The following SRP72 variants were observed in gnomAD, a reference collection of about 807,000 sequenced individuals.
The protein encoded by SRP72 is signal recognition particle 72, also known as signal recognition particle subunit SRP72.
Under a neutral mutation model 96.3 loss-of-function variants are expected in SRP72, and 49 were observed. That is an observed-to-expected ratio of 0.51 (90% confidence interval 0.40 to 0.65). SRP72 has a LOEUF of 0.65. SRP72 is among the 30% of genes least tolerant of loss of function. The probability of loss-of-function intolerance (pLI) is 0.00; values close to 1 mark genes in which losing one functional copy is unlikely to be tolerated. For synonymous variants in SRP72, 267 were observed against 275.2 expected (o/e 0.97, Z 0.30); for missense variants, 736 against 793.3 (o/e 0.93, Z 0.87).
At position 56,484,762 on chromosome 4, in the gene SRP72, C is replaced by T. The variant is rs1351986054; in HGVS notation, c.984C>T (p.Ala328=). ...CTGAACAATGCCGCAAAATATCTGC[C>T]AGTTTACAGTCCCAAAGTCCCGAGC... ...NQAEQCRKIS[A]SLQSQSPEHL... The change falls in exon 10 of 19, where the codon GCC becomes GCT. Residue 328 remains alanine, a synonymous_variant. Transcript: ENST00000642900. 1.2e-6 allele frequency: 2 copies of T among 1,614,070 alleles called. No homozygotes were observed. Among genetic ancestry groups the T allele is most frequent in the East Asian group, 2.2e-5 (1 of 44,876 alleles).
chr4:56,488,294 A>G (rs1387673556), intron 12 of SRP72, among the ~76,000 whole-genome samples: 1 of 152,172 alleles, frequency 6.6e-6, no homozygotes, highest in Non-Finnish European at 1.5e-5. Context: ...AGCCTATATC[A>G]TTTTCGTCAG....
chr4:56,486,091 C>A, intron 10 of SRP72: 1 of 414,038 alleles, frequency 2.4e-6, no homozygotes, highest in South Asian at 5.8e-5. Context: ...ATGGATTTCT[C>A]TGTTAGTGAC....
chr4:56,487,502 G>A lies in SRP72; in HGVS notation c.1160-447G>A, dbSNP rs139126749. Among the ~76,000 whole-genome samples the A allele has an allele frequency of 7.2e-3, 1,094 of 152,100 alleles. 19 individuals are homozygous for A. Among genetic ancestry groups the A allele is most frequent in the African/African-American group, 0.025 (1,046 of 41,500 alleles). On this transcript the variant is annotated intron_variant, in intron 11 of 18. Transcript: ENST00000642900. ...TTTTTTGTTTGTTTTTAAAGACTGGGAATTTTGAGTTATTGAGGTTTGCAG... is the reference window on the plus strand; with the variant it reads ...TTTTTTGTTTGTTTTTAAAGACTGGAAATTTTGAGTTATTGAGGTTTGCAG...
At chr4:56,472,348 CTT>C (rs11332013) in intron 3 of SRP72, among the ~76,000 whole-genome samples, 1,903 of 122,992 alleles carry the variant, frequency 0.015, 24 homozygotes, top group African/African-American at 0.047. Flanking sequence ...TAAAGTTTTT[CTT>C]TTTTTTTTTT....
At chr4:56,491,638 C>T (rs755810359) in intron 16 of SRP72, 70 bp downstream of exon 16, 46 of 1,453,106 alleles carry the variant, frequency 3.2e-5, no homozygotes, top group Non-Finnish European at 3.9e-5. Context: ...AATACATTCT[C>T]ATAGAAATTT....
chr4:56,471,900 C>G, intron 3 of SRP72, 57 bp downstream of exon 3: 1 of 1,598,322 alleles, frequency 6.3e-7, no homozygotes, highest in South Asian at 1.1e-5. Flanking sequence ...ATGACTACCT[C>G]TAGCAAGGAG....
intron 12 of SRP72, 57 bp downstream of exon 12, chr4:56,488,070 A>T (rs1720781453): frequency 5.0e-6 from 6 of 1,204,376 alleles, no homozygotes; most frequent in Non-Finnish European, 7.2e-6. Flanking sequence ...TTGTATGTCT[A>T]ATGTGTATTC....
intron 17 of SRP72, among the ~76,000 whole-genome samples, chr4:56,500,229 T>G (rs1390608114): frequency 6.6e-6 from 1 of 151,692 alleles, no homozygotes; most frequent in Non-Finnish European, 1.5e-5. Flanking sequence ...GGTGGGAGGC[T>G]AGGGGAGGGA....
At position 56,503,605 on chromosome 4, in the gene SRP72, A is replaced by G. The variant is rs1351525321; in HGVS notation, c.*1744A>G. 1 of 152,206 alleles carries G rather than the reference A, an allele frequency of 6.6e-6. No individual in the cohort carries two copies. Among genetic ancestry groups the G allele is most frequent in the Admixed American group, 6.5e-5 (1 of 15,276 alleles). The allele number at this position is 152,206 out of a possible 1,614,324, so 9.4% of individuals were successfully genotyped here. A position where few individuals can be genotyped will look rare whatever the true frequency, so the allele number is the denominator to read the frequency against. On this transcript the variant is annotated 3_prime_UTR_variant, in exon 19 of 19. Coordinates refer to ENST00000642900, the MANE Select transcript of SRP72 (RefSeq NM_006947.4). ...CAAATATATGGATGTGTATGTGTAC[A>G]TTTATAAGAACCAGTATGGATACAT...
At chr4:56,479,521 T>TTC (rs1225608113) in intron 8 of SRP72, among the ~76,000 whole-genome samples, 2 of 145,136 alleles carry the variant, frequency 1.4e-5, no homozygotes, top group African/African-American at 5.0e-5. Flanking sequence ...CTTTCTTTCT[T>TTC]TTTTTTTTTT....
chr4:56,468,309 C>G (rs558136154), intron 1 of SRP72, among the ~76,000 whole-genome samples: 2 of 152,268 alleles, frequency 1.3e-5, no homozygotes, highest in Admixed American at 1.3e-4. Context: ...GAGATCTCTT[C>G]AGTGTTATTA....
intron 6 of SRP72, among the ~76,000 whole-genome samples, chr4:56,477,530 C>T (rs1008358190): frequency 6.6e-5 from 10 of 151,804 alleles, no homozygotes; most frequent in Non-Finnish European, 1.3e-4. Context: ...AGGCCTCAAG[C>T]GACCCTCCCA....
chr4:56,478,707 GT>G, intron 8 of SRP72, 58 bp downstream of exon 8: 1 of 1,544,334 alleles, frequency 6.5e-7, no homozygotes, highest in Non-Finnish European at 8.8e-7. Flanking sequence ...CATCACCCTA[GT>G]TTTAGTTTTG....
intron 13 of SRP72, 92 bp downstream of exon 13, chr4:56,489,575 C>T: frequency 8.1e-6 from 5 of 613,986 alleles, no homozygotes; most frequent in South Asian, 3.2e-5. Flanking sequence ...AAGTATTACA[C>T]GTCACTATTT....
chr4:56,489,199 G>A (rs936735167), intron 12 of SRP72, 189 bp from the exon 13 acceptor site: 3 of 414,346 alleles, frequency 7.2e-6, no homozygotes, highest in Non-Finnish European at 8.6e-6. Flanking sequence ...TTCATATTTG[G>A]AAAACACGGT....
intron 8 of SRP72, among the ~76,000 whole-genome samples, chr4:56,481,220 A>T (rs1184416861): frequency 6.6e-6 from 1 of 152,160 alleles, no homozygotes; most frequent in Non-Finnish European, 1.5e-5. Context: ...GAAAAAGTAG[A>T]ATTTATTTTA....
chr4:56,500,505 C>T, intron 17 of SRP72, 31 bp from the exon 18 acceptor site: 1 of 1,600,210 alleles, frequency 6.2e-7, no homozygotes, highest in Non-Finnish European at 8.5e-7. Context: ...TATTATGACA[C>T]ATCTCTCATT....
Position 56,483,284 on chromosome 4 carries a change from T to G in SRP72, c.957+14T>G, listed in dbSNP as rs754314413. The G allele has an allele frequency of 1.2e-6, 2 of 1,610,752 alleles. No individual in the cohort carries two copies. Among genetic ancestry groups the G allele is most frequent in the South Asian group, 2.2e-5 (2 of 90,498 alleles). On this transcript the variant is annotated intron_variant, in intron 9 of 18. Coordinates refer to ENST00000642900, the MANE Select transcript of SRP72 (RefSeq NM_006947.4). ...TACACAAACCAGGTGGGTAATTACC[T>G]TTGGTGTCATGGCTAAACCTTTTGT...
chr4:56,497,363 G>A (rs1408867619), intron 17 of SRP72, among the ~76,000 whole-genome samples: 2 of 151,660 alleles, frequency 1.3e-5, no homozygotes, highest in Non-Finnish European at 2.9e-5. Flanking sequence ...GGGACTGCAG[G>A]CGTACCCCAC....
Sources: gnomAD v4.1 joint callset for allele counts (sites outside exome capture counted in the v4.1 genomes callset) on GRCh38, gnomAD v4.1.1 for gene constraint, MANE v1.5 for transcripts, NCBI Gene and HGNC (gene_info 2026-07-23, HGNC 2026-07-21) for gene names.